ANKIB1: variants seen among roughly 807,000 people sequenced by gnomAD.
ANKIB1 encodes ankyrin repeat and IBR domain containing 1.
A neutral mutation model predicts 122.1 loss-of-function variants in ANKIB1; 43 were observed. That is an observed-to-expected ratio of 0.35 (90% CI 0.28 to 0.45). The LOEUF is 0.45. ANKIB1 is among the 20% of genes least tolerant of loss of function. The pLI, the probability that ANKIB1 is intolerant of heterozygous loss-of-function variation, is 1.00. For synonymous variants in ANKIB1, 390 were observed against 442.0 expected, an observed-to-expected ratio of 0.88 and a Z score of 1.48; for missense variants, 992 against 1,329.5, an observed-to-expected ratio of 0.75 and a Z score of 3.95.
At chr7:92,350,925 G>T in intron 7 of ANKIB1, 25 bp from the exon 8 acceptor site, 1 of 1,578,320 alleles carries the variant, frequency 6.3e-7, no homozygotes. Context: ...TTGCTCGTTT[G>T]ATGTGCATTG....
intron 4 of ANKIB1, among the ~76,000 whole-genome samples, chr7:92,320,361 G>C (rs933652730): frequency 6.6e-6 from 1 of 152,084 alleles, no homozygotes; most frequent in East Asian, 1.9e-4. Flanking sequence ...GTGACATGTT[G>C]CCAAATTTAG....
At chr7:92,387,905 A>G (rs750980022) in intron 13 of ANKIB1, 21 bp downstream of exon 13, 2 of 1,610,022 alleles carry the variant, frequency 1.2e-6, no homozygotes, top group Non-Finnish European at 1.7e-6. Context: ...AATCATTTCA[A>G]ATGAGCTGAC....
intron 9 of ANKIB1, among the ~76,000 whole-genome samples, chr7:92,353,028 C>T (rs951152609): frequency 6.6e-6 from 1 of 152,042 alleles, no homozygotes; most frequent in Non-Finnish European, 1.5e-5. Context: ...AATTGCTGAC[C>T]ATAGATTAGA....
chr7:92,283,714 AT>A (rs1441979965), intron 1 of ANKIB1, among the ~76,000 whole-genome samples: 2 of 152,198 alleles, frequency 1.3e-5, no homozygotes, highest in Non-Finnish European at 2.9e-5. Flanking sequence ...TTGTGCAGTT[AT>A]TTTATTTTTT....
At chr7:92,333,369 T>C (rs933843225) in intron 5 of ANKIB1, among the ~76,000 whole-genome samples, 11 of 152,162 alleles carry the variant, frequency 7.2e-5, no homozygotes, top group African/African-American at 2.7e-4. Flanking sequence ...CTTTTTAATT[T>C]CACAAGGGTG....
intron 5 of ANKIB1, among the ~76,000 whole-genome samples, chr7:92,328,579 A>G (rs1032386536): frequency 4.6e-5 from 7 of 152,250 alleles, no homozygotes; most frequent in Middle Eastern, 3.4e-3. Flanking sequence ...GATATATGAC[A>G]TTTTGGCTGG....
rs947013984 is a variant in ANKIB1 at position 92,348,020 on chromosome 7, A to C, written c.1086-2930A>C. The C allele has an allele frequency of 2.2e-5, 10 of 444,676 alleles. No homozygotes were observed. The Admixed American group carries it at 2.5e-4, about 11-fold the overall frequency. The allele number at this position is 444,676 out of a possible 1,614,324, so 27.5% of individuals were successfully genotyped here. A position where few individuals can be genotyped will look rare whatever the true frequency, so the allele number is the denominator to read the frequency against. ...TACCTGCAAGATAAAAATATAGGTA[A>C]GGTTTGCCCCAGATTTCTCTCTTTT... is the stretch of plus-strand genomic sequence containing the variant. On this transcript the variant is annotated intron_variant, in intron 7 of 19. Transcript: ENST00000265742.
At chr7:92,378,058 G>A (rs1323463962) in intron 11 of ANKIB1, among the ~76,000 whole-genome samples, 2 of 152,120 alleles carry the variant, frequency 1.3e-5, no homozygotes, top group Non-Finnish European at 2.9e-5. Context: ...ACTTGTAAAA[G>A]TGCAGTAGTC....
At chr7:92,257,721 G>A (rs1032527727) in intron 1 of ANKIB1, among the ~76,000 whole-genome samples, 20 of 152,248 alleles carry the variant, frequency 1.3e-4, no homozygotes, top group African/African-American at 4.8e-4. Flanking sequence ...GAACCCTGGA[G>A]GCGGAGGTTG....
At chr7:92,370,415 G>A (rs1467861903) in intron 10 of ANKIB1, among the ~76,000 whole-genome samples, 2 of 150,040 alleles carry the variant, frequency 1.3e-5, no homozygotes, top group African/African-American at 4.9e-5. Flanking sequence ...GGCTGAGGCA[G>A]GAGAATGGCA....
intron 8 of ANKIB1, among the ~76,000 whole-genome samples, chr7:92,351,973 A>C (rs540817768): frequency 1.3e-5 from 2 of 152,000 alleles, no homozygotes; most frequent in African/African-American, 4.8e-5. Flanking sequence ...CGCCTGCCTC[A>C]GCCTCCCAAA....
chr7:92,258,404 G>T (rs906927315), intron 1 of ANKIB1, among the ~76,000 whole-genome samples: 12 of 152,204 alleles, frequency 7.9e-5, no homozygotes, highest in Non-Finnish European at 1.6e-4. Context: ...GCTTGTTAAA[G>T]TGCAGATTGC....
intron 1 of ANKIB1, among the ~76,000 whole-genome samples, chr7:92,286,643 C>T (rs1802134609): frequency 6.6e-6 from 1 of 152,014 alleles, no homozygotes; most frequent in African/African-American, 2.4e-5. Context: ...CCATGCCCAG[C>T]TAATTTTGTA....
chr7:92,285,928 T>C (rs1017996386), intron 1 of ANKIB1, among the ~76,000 whole-genome samples: 3 of 152,236 alleles, frequency 2.0e-5, no homozygotes, highest in Admixed American at 6.5e-5. Context: ...AAAAACACTT[T>C]GATGATTTAG....
intron 11 of ANKIB1, among the ~76,000 whole-genome samples, chr7:92,375,446 T>C (rs1024925775): frequency 1.3e-5 from 2 of 152,244 alleles, no homozygotes; most frequent in Admixed American, 1.3e-4. Context: ...TTCAACAATG[T>C]TTACAGAGTC....
intron 1 of ANKIB1, among the ~76,000 whole-genome samples, chr7:92,261,812 T>C (rs1255528573): frequency 6.6e-6 from 1 of 152,208 alleles, no homozygotes; most frequent in Non-Finnish European, 1.5e-5. Context: ...AGTCATATGC[T>C]TCAGATATTT....
At chr7:92,320,742 G>A (rs1311033440) in intron 4 of ANKIB1, among the ~76,000 whole-genome samples, 1 of 151,962 alleles carries the variant, frequency 6.6e-6, no homozygotes, top group Non-Finnish European at 1.5e-5. Flanking sequence ...TTCCTTACTG[G>A]TCTTCTTCCT....
intron 1 of ANKIB1, among the ~76,000 whole-genome samples, chr7:92,269,454 T>C (rs1801738302): frequency 6.6e-6 from 1 of 152,244 alleles, no homozygotes; most frequent in Non-Finnish European, 1.5e-5. Flanking sequence ...TGTCTTTGTG[T>C]TACCTTGCGC....
At chr7:92,266,598 T>C (rs1801675957) in intron 1 of ANKIB1, among the ~76,000 whole-genome samples, 1 of 151,842 alleles carries the variant, frequency 6.6e-6, no homozygotes, top group African/African-American at 2.4e-5. Flanking sequence ...AAACAGCTCA[T>C]AGGAAGTGCT....
Sources: gnomAD v4.1 joint callset for allele counts (sites outside exome capture counted in the v4.1 genomes callset) on GRCh38, gnomAD v4.1.1 for gene constraint, MANE v1.5 for transcripts, NCBI Gene and HGNC (gene_info 2026-07-23, HGNC 2026-07-21) for gene names.